The following RGS6 variants were observed in gnomAD, a reference collection of about 807,000 sequenced individuals.
RGS6 encodes the protein regulator of G-protein signaling 6.
A neutral mutation model predicts 78.5 loss-of-function variants in RGS6; 30 were observed. The observed-to-expected ratio is 0.38, with a 90% CI of 0.29 to 0.52. The LOEUF (loss-of-function observed/expected upper bound fraction) is 0.52. Ranked by LOEUF, RGS6 falls within the 20% of genes least tolerant of loss-of-function variation. The probability of loss-of-function intolerance (pLI) is 0.85; values close to 1 mark genes in which losing one functional copy is unlikely to be tolerated. For missense variants in RGS6, 495 were observed against 609.7 expected (o/e 0.81, Z 1.98); for synonymous variants, 206 against 206.0 (o/e 1.00, Z 0.00).
intron 2 of RGS6, among the ~76,000 whole-genome samples, chr14:72,012,859 T>G (rs2086069295): frequency 1.3e-5 from 2 of 152,148 alleles, no homozygotes; most frequent in South Asian, 4.1e-4. Context: ...CATTGCTGGG[T>G]GGTTGTGAGC....
At chr14:71,984,317 A>C (rs74060436) in intron 2 of RGS6, among the ~76,000 whole-genome samples, 33,180 of 111,368 alleles carry the variant, frequency 0.3, 3,719 homozygotes, top group South Asian at 0.35. Flanking sequence ...AAAAAAAAAA[A>C]AAAAACAAAG....
chr14:72,013,807 G>GC (rs11398925), intron 2 of RGS6, among the ~76,000 whole-genome samples: 37,178 of 63,634 alleles, frequency 0.58, 5,517 homozygotes, highest in African/African-American at 0.63. Context: ...GTGGGCTGGG[G>GC]CCTTCAGGCT....
chr14:72,199,524 A>G (rs1439697079), intron 2 of RGS6, among the ~76,000 whole-genome samples: 3 of 152,314 alleles, frequency 2.0e-5, no homozygotes, highest in East Asian at 3.9e-4. Context: ...TTCCTATAGC[A>G]CTTGCATTTA....
the RGS6 span, among the ~76,000 whole-genome samples, chr14:72,597,986 G>A: frequency 1.3e-5 from 2 of 152,162 alleles, no homozygotes; most frequent in African/African-American, 2.4e-5. Flanking sequence ...TCCTAAAATG[G>A]CCCACTTTCA....
chr14:71,894,445 C>T, the RGS6 span, among the ~76,000 whole-genome samples: 1 of 152,178 alleles, frequency 6.6e-6, no homozygotes, highest in African/African-American at 2.4e-5. Context: ...CCCATATATA[C>T]AAGGATTGCA....
At chr14:71,925,444 A>G in the RGS6 span, among the ~76,000 whole-genome samples, 1 of 152,048 alleles carries the variant, frequency 6.6e-6, no homozygotes, top group African/African-American at 2.4e-5. Flanking sequence ...TTGTTGCCTG[A>G]GCCTTTGGTA....
chr14:71,963,468 C>G (rs2093334999), intron 1 of RGS6, among the ~76,000 whole-genome samples: 1 of 152,184 alleles, frequency 6.6e-6, no homozygotes, highest in South Asian at 2.1e-4. Context: ...TCTATCAAGG[C>G]CCCTGAAGGA....
intron 2 of RGS6, among the ~76,000 whole-genome samples, chr14:72,271,396 G>T (rs954561266): frequency 6.6e-6 from 1 of 151,988 alleles, no homozygotes; most frequent in Non-Finnish European, 1.5e-5. Context: ...AACAGTATGG[G>T]GAAAACCACC....
intron 3 of RGS6, among the ~76,000 whole-genome samples, chr14:72,389,386 G>A (rs1263518112): frequency 6.6e-6 from 1 of 152,162 alleles, no homozygotes; most frequent in African/African-American, 2.4e-5. Flanking sequence ...TCAAATGCCA[G>A]GACTCACTCT....
rs797018509 is a variant in RGS6, at chr14:72,231,230, G to A, written c.85-120865G>A. On this transcript the variant is annotated intron_variant, in intron 2 of 17. Transcript: ENST00000553525. ...AACCCCACCAGTTAAAATGAATAAT[G>A]CATGAATAATACTTATGTTGGGCAC... Among the ~76,000 whole-genome samples the A allele has an allele frequency of 1.8e-4, 27 of 152,248 alleles. 1 individual carries two copies. The highest frequency in any genetic ancestry group is 6.0e-4 in the African/African-American group (25 of 41,530).
intron 3 of RGS6, among the ~76,000 whole-genome samples, chr14:72,452,328 TGAG>T (rs1439838061): frequency 1.3e-5 from 2 of 150,878 alleles, no homozygotes; most frequent in African/African-American, 4.9e-5. Flanking sequence ...GTAGCAAGAG[TGAG>T]GAGAAGCCTA....
chr14:71,979,528 A>G (rs1460146554), intron 2 of RGS6, among the ~76,000 whole-genome samples: 2 of 152,082 alleles, frequency 1.3e-5, no homozygotes, highest in African/African-American at 4.8e-5. Flanking sequence ...TGTACCCAGT[A>G]GTCATTCAGG....
chr14:72,082,499 C>T (rs1165885001), intron 2 of RGS6, among the ~76,000 whole-genome samples: 3 of 151,984 alleles, frequency 2.0e-5, no homozygotes, highest in African/African-American at 7.2e-5. Context: ...TATCCTGCAA[C>T]TTTACTGAAT....
the RGS6 span, among the ~76,000 whole-genome samples, chr14:72,580,771 C>G: frequency 1.3e-5 from 2 of 152,178 alleles, no homozygotes; most frequent in Non-Finnish European, 2.9e-5. Context: ...CCTACATGGC[C>G]AAGACAGGAC....
intron 2 of RGS6, among the ~76,000 whole-genome samples, chr14:72,098,748 G>A (rs2095465103): frequency 6.6e-6 from 1 of 152,150 alleles, no homozygotes. Context: ...CACAGAATGA[G>A]CCTCCCTTCC....
the RGS6 span, among the ~76,000 whole-genome samples, chr14:72,610,274 T>C: frequency 2.6e-5 from 4 of 152,206 alleles, no homozygotes; most frequent in African/African-American, 7.2e-5. Flanking sequence ...CAAGGCCTGG[T>C]GGAGCCTGTG....
intron 3 of RGS6, among the ~76,000 whole-genome samples, chr14:72,378,181 T>C (rs1326957101): frequency 6.6e-6 from 1 of 151,876 alleles, no homozygotes; most frequent in African/African-American, 2.4e-5. Context: ...AAACACAACA[T>C]ACCAAAACGT....
chr14:72,383,816 A>G (rs892549976), intron 3 of RGS6, among the ~76,000 whole-genome samples: 2 of 152,166 alleles, frequency 1.3e-5, no homozygotes, highest in East Asian at 1.9e-4. Flanking sequence ...GGGGGACGGT[A>G]GAGATTTTAA....
intron 2 of RGS6, among the ~76,000 whole-genome samples, chr14:72,016,512 C>A (rs893242355): frequency 4.6e-5 from 7 of 152,152 alleles, no homozygotes; most frequent in Non-Finnish European, 7.4e-5. Flanking sequence ...ACTACAGGTG[C>A]CTGCCACCAC....
Sources: gnomAD v4.1 joint callset for allele counts (sites outside exome capture counted in the v4.1 genomes callset) on GRCh38, gnomAD v4.1.1 for gene constraint, MANE v1.5 for transcripts, NCBI Gene and HGNC (gene_info 2026-07-23, HGNC 2026-07-21) for gene names.